Variants in SPANXN4 observed in about 807,000 individuals in gnomAD.
SPANXN4 encodes the protein sperm protein associated with the nucleus on the X chromosome N4.
A neutral mutation model predicts 6.0 loss-of-function variants in SPANXN4; 5 were observed. The observed-to-expected ratio is 0.83, with a 90% CI of 0.44 to 1.75. The LOEUF is 1.75. Among genes scored for constraint, SPANXN4 ranks in the 40% most tolerant of loss-of-function variants. The pLI, the probability that SPANXN4 is intolerant of heterozygous loss-of-function variation, is 0.02. For synonymous variants in SPANXN4, 45 were observed against 38.0 expected (o/e 1.19, Z -0.68); for missense variants, 157 against 108.6 (o/e 1.45, Z -1.98).
rs747387246 is a variant in SPANXN4, at chrX:143,034,005, T to A, written c.79-23T>A. 7 of 1,149,538 alleles carry A rather than the reference T, an allele frequency of 6.1e-6. No individual in the cohort carries two copies. The highest frequency in any genetic ancestry group is 8.1e-6 in the Non-Finnish European group (7 of 861,952). The allele number at this position is 1,149,538 out of a possible 1,213,427, so 94.7% of individuals were successfully genotyped here. A position where few individuals can be genotyped will look rare whatever the true frequency, so the allele number is the denominator to read the frequency against. On this transcript the variant is annotated intron_variant, in intron 1 of 2. Coordinates refer to ENST00000370504, the Ensembl canonical transcript of SPANXN4. Reference sequence around the variant, plus strand: ...CATCCAAAATAACACCATTCTGGCCTCTCCCTGTTTTTTTACCAGAAGAAG... The same window carrying A: ...CATCCAAAATAACACCATTCTGGCCACTCCCTGTTTTTTTACCAGAAGAAG...
At chrX:143,031,339 T>C (rs1161186780) in intron 1 of SPANXN4, among the ~76,000 whole-genome samples, 1 of 110,511 alleles carries the variant, frequency 9.0e-6, no homozygotes, top group Non-Finnish European at 1.9e-5. Flanking sequence ...CTGTATCCAA[T>C]AGGAAAGACA....
At chrX:143,037,940 A>AT (rs1194144420), downstream of SPANXN4, among the ~76,000 whole-genome samples, 1 of 111,182 alleles carries the variant, frequency 9.0e-6, no homozygotes, top group Non-Finnish European at 1.9e-5. Context: ...TAAACCTCTT[A>AT]TTTTTTTAAT....
downstream of SPANXN4, among the ~76,000 whole-genome samples, chrX:143,037,546 G>C (rs897028147): frequency 2.7e-5 from 3 of 111,370 alleles, no homozygotes; most frequent in Admixed American, 9.6e-5. Context: ...AGGAAGTTAG[G>C]GTTTATAGTC....
At chrX:143,030,190 G>C (rs1026889165) in intron 1 of SPANXN4, among the ~76,000 whole-genome samples, 12 of 110,778 alleles carry the variant, frequency 1.1e-4, no homozygotes, top group Admixed American at 5.8e-4. Context: ...TATCCCACAA[G>C]GCTCAAGAAG....
chrX:143,032,613 A>G (rs1320116609), intron 1 of SPANXN4, among the ~76,000 whole-genome samples: 1 of 111,151 alleles, frequency 9.0e-6, no homozygotes, highest in Non-Finnish European at 1.9e-5. Flanking sequence ...AGAGCAATCC[A>G]TGAACGGAGA....
In SPANXN4 at chrX:143,031,759, T is replaced by C. The variant is rs762028466; in HGVS notation, c.79-2269T>C. Among the ~76,000 whole-genome samples, 6 of 104,360 alleles carry C rather than the reference T, an allele frequency of 5.7e-5. No individual in the cohort carries two copies. The South Asian group carries it at 2.8e-3, about 48-fold the overall frequency. 90.6% of individuals were successfully genotyped at this position (104,360 alleles called of 115,157 possible). A position where few individuals can be genotyped will look rare whatever the true frequency, so the allele number is the denominator to read the frequency against. On this transcript the variant is annotated intron_variant, in intron 1 of 2. Transcript: ENST00000370504. ...CCTCAAATGCCACTTCAATTAAGTGTCTTTGGGAGGTTTGAGGGCCATCCT... is the reference window on the plus strand; with the variant it reads ...CCTCAAATGCCACTTCAATTAAGTGCCTTTGGGAGGTTTGAGGGCCATCCT...
intron 1 of SPANXN4, among the ~76,000 whole-genome samples, chrX:143,032,914 G>A (rs1432695849): frequency 8.9e-6 from 1 of 111,760 alleles, no homozygotes; most frequent in Non-Finnish European, 1.9e-5. Context: ...GTACCAAAGA[G>A]CTGTGGCAGC....
downstream of SPANXN4, among the ~76,000 whole-genome samples, chrX:143,035,967 T>C (rs1232178434): frequency 1.9e-5 from 2 of 105,585 alleles, no homozygotes; most frequent in Non-Finnish European, 1.9e-5. Flanking sequence ...CACCTCTGTC[T>C]ATTGGACCCC....
intron 1 of SPANXN4, among the ~76,000 whole-genome samples, chrX:143,032,102 T>C (rs1034876446): frequency 8.9e-6 from 1 of 111,967 alleles, no homozygotes; most frequent in African/African-American, 3.3e-5. Flanking sequence ...TTCCCTGTCT[T>C]CTGGGGAGAG....
intron 1 of SPANXN4, among the ~76,000 whole-genome samples, chrX:143,028,415 G>A (rs751318509): frequency 1.8e-5 from 2 of 110,892 alleles, no homozygotes; most frequent in Non-Finnish European, 3.8e-5. Flanking sequence ...AGTGAAGCCT[G>A]GGCCGTTTTA....
intron 1 of SPANXN4, among the ~76,000 whole-genome samples, chrX:143,032,515 G>A (rs910407286): frequency 3.6e-5 from 4 of 110,515 alleles, no homozygotes; most frequent in Non-Finnish European, 5.7e-5. Flanking sequence ...AATTAGAGGA[G>A]AAAGGCTTGT....
At chrX:143,026,395 T>C (rs778892045) in intron 1 of SPANXN4, among the ~76,000 whole-genome samples, 4 of 111,412 alleles carry the variant, frequency 3.6e-5, no homozygotes, top group East Asian at 5.7e-4. Flanking sequence ...CAACAAGATA[T>C]GATAGGGATG....
At chrX:143,026,490 C>A (rs768360398) in intron 1 of SPANXN4, among the ~76,000 whole-genome samples, 1 of 111,679 alleles carries the variant, frequency 9.0e-6, no homozygotes, top group Non-Finnish European at 1.9e-5. Context: ...TGGAATGTTT[C>A]ACTTTGACCA....
At chrX:143,032,124 G>A (rs1209846570) in intron 1 of SPANXN4, among the ~76,000 whole-genome samples, 1 of 111,777 alleles carries the variant, frequency 8.9e-6, no homozygotes, top group African/African-American at 3.3e-5. Context: ...GTGGAGGAGA[G>A]CATGACATAC....
At chrX:143,032,547 C>T (rs998201042) in intron 1 of SPANXN4, among the ~76,000 whole-genome samples, 33 of 109,743 alleles carry the variant, frequency 3.0e-4, no homozygotes, top group African/African-American at 9.0e-4. Flanking sequence ...GGCATTTTTG[C>T]GGGTTTTTCA....
At chrX:143,030,974 G>A (rs566561558) in intron 1 of SPANXN4, among the ~76,000 whole-genome samples, 2 of 111,771 alleles carry the variant, frequency 1.8e-5, no homozygotes, top group South Asian at 3.7e-4. Flanking sequence ...GATGTTGTGT[G>A]TGGCTATTGT....
intron 1 of SPANXN4, among the ~76,000 whole-genome samples, chrX:143,033,279 A>T (rs1415531837): frequency 2.7e-5 from 3 of 111,160 alleles, no homozygotes; most frequent in East Asian, 2.9e-4. Flanking sequence ...CAGGTAGTCC[A>T]CTCAGGATAT....
At chrX:143,029,173 C>G (rs926319257) in intron 1 of SPANXN4, among the ~76,000 whole-genome samples, 5 of 111,246 alleles carry the variant, frequency 4.5e-5, no homozygotes, top group Non-Finnish European at 7.5e-5. Context: ...CATCTGTAGC[C>G]TTTTGGTGTC....
intron 1 of SPANXN4, among the ~76,000 whole-genome samples, chrX:143,030,542 G>A (rs896854139): frequency 1.8e-5 from 2 of 109,564 alleles, no homozygotes; most frequent in African/African-American, 6.7e-5. Context: ...GTGGGAGTAT[G>A]GTCCATGTCA....
Sources: gnomAD v4.1 joint callset for allele counts (sites outside exome capture counted in the v4.1 genomes callset) on GRCh38, gnomAD v4.1.1 for gene constraint, MANE v1.5 for transcripts, NCBI Gene and HGNC (gene_info 2026-07-23, HGNC 2026-07-21) for gene names.